ZNF366: variants seen among roughly 807,000 people sequenced by gnomAD.
The protein encoded by ZNF366 is dendritic cell-specific transcript protein.
Under a neutral mutation model 47.2 loss-of-function variants are expected in ZNF366, and 20 were observed. That is an observed-to-expected ratio of 0.42 (90% CI 0.30 to 0.62). The LOEUF (loss-of-function observed/expected upper bound fraction) is 0.62. Among genes scored for constraint, ZNF366 ranks in the 20% least tolerant of loss-of-function variants. The pLI is 0.16. For synonymous variants in ZNF366, 421 were observed against 395.1 expected, an observed-to-expected ratio of 1.07 and a Z score of -0.78; for missense variants, 987 against 976.3, an observed-to-expected ratio of 1.01 and a Z score of -0.15.
intron 3 of ZNF366, among the ~76,000 whole-genome samples, chr5:72,454,918 A>G (rs886972097): frequency 6.6e-5 from 10 of 152,224 alleles, no homozygotes; most frequent in African/African-American, 2.4e-4. Flanking sequence ...TCATGGGCAT[A>G]CAACACAAGG....
intron 1 of ZNF366, chr5:72,493,631 G>A (rs755012611): frequency 2.1e-4 from 32 of 152,110 alleles, no homozygotes; most frequent in East Asian, 7.7e-4. Flanking sequence ...CTACTTCAGC[G>A]GATTCCAGAC....
intron 1 of ZNF366, among the ~76,000 whole-genome samples, chr5:72,500,351 G>T (rs1464102209): frequency 6.6e-6 from 1 of 151,984 alleles, no homozygotes; most frequent in African/African-American, 2.4e-5. Flanking sequence ...ACCCTCCCTG[G>T]GGGCTTCCTT....
At chr5:72,458,284 G>A (rs1743231782) in intron 2 of ZNF366, among the ~76,000 whole-genome samples, 1 of 152,092 alleles carries the variant, frequency 6.6e-6, no homozygotes, top group Non-Finnish European at 1.5e-5. Context: ...CCAAAGTGCT[G>A]GGATTACAGG....
At chr5:72,461,583 G>A (rs1194674353) in intron 1 of ZNF366, 73 bp from the exon 2 acceptor site, 3 of 1,495,850 alleles carry the variant, frequency 2.0e-6, no homozygotes, top group Non-Finnish European at 2.7e-6. Flanking sequence ...AAGGATTATG[G>A]CTATTTATCA....
chr5:72,495,450 G>A (rs976387569), intron 1 of ZNF366, among the ~76,000 whole-genome samples: 4 of 152,136 alleles, frequency 2.6e-5, no homozygotes, highest in Admixed American at 6.5e-5. Context: ...GCTGCCCCTA[G>A]GACGTGGTTG....
chr5:72,477,080 T>C (rs1166097293), intron 1 of ZNF366, among the ~76,000 whole-genome samples: 1 of 152,230 alleles, frequency 6.6e-6, no homozygotes, highest in African/African-American at 2.4e-5. Context: ...TTAATGGCTT[T>C]CAATGCCATT....
At chr5:72,497,405 C>G (rs1744137359) in intron 1 of ZNF366, among the ~76,000 whole-genome samples, 1 of 152,026 alleles carries the variant, frequency 6.6e-6, no homozygotes, top group Non-Finnish European at 1.5e-5. Context: ...GACTATTTTC[C>G]CCTCATTGAC....
chr5:72,472,316 T>C (rs1352184165), intron 1 of ZNF366, among the ~76,000 whole-genome samples: 1 of 152,266 alleles, frequency 6.6e-6, no homozygotes, highest in East Asian at 1.9e-4. Flanking sequence ...TACATTTCCT[T>C]GACTAACATC....
At chr5:72,463,599 G>A (rs965891371) in intron 1 of ZNF366, among the ~76,000 whole-genome samples, 1 of 152,156 alleles carries the variant, frequency 6.6e-6, no homozygotes, top group Admixed American at 6.5e-5. Flanking sequence ...TGCCTCAGGG[G>A]CCAGGCAATT....
intron 1 of ZNF366, among the ~76,000 whole-genome samples, chr5:72,474,948 TAGAA>T (rs1273964886): frequency 2.6e-5 from 4 of 152,120 alleles, no homozygotes; most frequent in Admixed American, 1.3e-4. Context: ...AAAATTTAAT[TAGAA>T]AGAAAGGAGG....
At chr5:72,472,151 A>T (rs1743579675) in intron 1 of ZNF366, among the ~76,000 whole-genome samples, 2 of 152,206 alleles carry the variant, frequency 1.3e-5, no homozygotes, top group Non-Finnish European at 1.5e-5. Flanking sequence ...TGCCAGGAGG[A>T]CAATGTCTTA....
intron 1 of ZNF366, among the ~76,000 whole-genome samples, chr5:72,493,356 C>T (rs773444657): frequency 9.8e-4 from 149 of 152,266 alleles, no homozygotes; most frequent in Middle Eastern, 3.4e-3. Flanking sequence ...AATGAGGAAA[C>T]TAGGACACAA....
chr5:72,462,393 G>T (rs545656612), intron 1 of ZNF366, among the ~76,000 whole-genome samples: 3 of 152,118 alleles, frequency 2.0e-5, no homozygotes, highest in African/African-American at 7.2e-5. Context: ...TGCCTGACAT[G>T]TCCCCTGCTG....
chr5:72,449,659 T>C (rs908533053), intron 3 of ZNF366, among the ~76,000 whole-genome samples: 4 of 152,286 alleles, frequency 2.6e-5, no homozygotes, highest in South Asian at 2.1e-4. Context: ...GAAGCTGCTG[T>C]TACAATTGCT....
intron 3 of ZNF366, among the ~76,000 whole-genome samples, chr5:72,453,020 T>C (rs954678086): frequency 1.3e-5 from 2 of 152,100 alleles, no homozygotes; most frequent in South Asian, 2.1e-4. Flanking sequence ...AACTTTTTTA[T>C]AAGGAAAAAA....
chr5:72,507,377 G>T lies in ZNF366; in HGVS notation c.-141C>A, dbSNP rs756535411. The T allele has an allele frequency of 7.1e-6, 7 of 985,216 alleles. No individual in the cohort carries two copies. Among genetic ancestry groups the T allele is most frequent in the South Asian group, 9.4e-5 (2 of 21,282 alleles). The allele number at this position is 985,216 out of a possible 1,614,324, so 61.0% of individuals were successfully genotyped here. On this transcript the variant is annotated 5_prime_UTR_variant, in exon 1 of 5. Coordinates refer to ENST00000318442, the MANE Select transcript of ZNF366 (RefSeq NM_152625.3). ...AGATTGCAGGGAACTTAAAGAACTCGCAGGGACAGTGTTTCGAATGACTTA... is the reference window on the plus strand; with the variant it reads ...AGATTGCAGGGAACTTAAAGAACTCTCAGGGACAGTGTTTCGAATGACTTA...
chr5:72,452,198 G>C (rs1235487475), intron 3 of ZNF366, among the ~76,000 whole-genome samples: 1 of 152,176 alleles, frequency 6.6e-6, no homozygotes, highest in African/African-American at 2.4e-5. Flanking sequence ...TGCCCTTCCC[G>C]CACATTCTTC....
rs757915549 is a variant in ZNF366, at chr5:72,444,210, G to A, written c.1781C>T (p.Ser594Phe). ...SLEQEEPFDLSQKRRAKVPVF... is the reference protein window; with the variant it reads ...SLEQEEPFDLFQKRRAKVPVF... ...CGGCACCTTGGCCCGGCGCTTCTGAGAGAGGTCAAAGGGCTCCTCCTGCTC... is the reference window on the plus strand; with the variant it reads ...CGGCACCTTGGCCCGGCGCTTCTGAAAGAGGTCAAAGGGCTCCTCCTGCTC... Residue 594 changes from serine (S) to phenylalanine (F), a missense_variant, in exon 5 of 5, where the codon TCT becomes TTT. This residue lies in a region of ZNF366 where 285 missense variants were observed against 234.8 expected (regional missense o/e 1.21). Coordinates refer to ENST00000318442, the MANE Select transcript of ZNF366 (RefSeq NM_152625.3). 15 of 1,613,380 alleles carry A rather than the reference G, an allele frequency of 9.3e-6. No individual in the cohort carries two copies. The highest frequency in any genetic ancestry group is 1.2e-5 in the Non-Finnish European group (14 of 1,180,048).
At chr5:72,496,047 A>G (rs1037940891) in intron 1 of ZNF366, among the ~76,000 whole-genome samples, 5 of 152,016 alleles carry the variant, frequency 3.3e-5, no homozygotes, top group African/African-American at 7.3e-5. Context: ...TTACTTAACT[A>G]TACAGGTTGG....
Sources: allele counts gnomAD v4.1 joint callset (sites outside exome capture counted in the v4.1 genomes callset), GRCh38; gene constraint gnomAD v4.1.1; regional missense constraint gnomAD v4.1.1; transcripts MANE v1.5; gene names NCBI Gene and HGNC (gene_info 2026-07-23, HGNC 2026-07-21).